DNMT3B: variants seen among roughly 807,000 people sequenced by gnomAD.
The protein encoded by DNMT3B is DNA methyltransferase 3 beta, also known as DNA (cytosine-5)-methyltransferase 3B.
In DNMT3B, 37 loss-of-function variants were observed where a neutral mutation model predicts 120.2. That is an observed-to-expected ratio of 0.31 (90% CI 0.24 to 0.40). The LOEUF is 0.40. DNMT3B is among the 10% of genes least tolerant of loss of function. The pLI is 1.00. For missense variants in DNMT3B, 878 were observed against 1,137.3 expected, an observed-to-expected ratio of 0.77 and a Z score of 3.28; for synonymous variants, 412 against 442.8, an observed-to-expected ratio of 0.93 and a Z score of 0.87.
At chr20:32,801,796 C>T (rs986320701) in intron 19 of DNMT3B, among the ~76,000 whole-genome samples, 3 of 152,030 alleles carry the variant, frequency 2.0e-5, no homozygotes, top group East Asian at 1.9e-4. Context: ...TGTTGCACAC[C>T]CTAGTCTTGA....
At chr20:32,780,166 G>A in intron 1 of DNMT3B, 152 bp from the exon 2 acceptor site, 1 of 1,613,444 alleles carries the variant, frequency 6.2e-7, no homozygotes, top group Non-Finnish European at 8.5e-7. Context: ...GGCTATGGGG[G>A]GCAGCCTGGG....
At position 32,762,621 on chromosome 20, in the gene DNMT3B, G is replaced by GCCGCCAGCCGGCCTC. The variant is rs1174293028; in HGVS notation, c.-75_-61dup. The GCCGCCAGCCGGCCTC allele has an allele frequency of 7.2e-6, 2 of 279,076 alleles. No individual in the cohort carries two copies. The highest frequency in any genetic ancestry group is 2.3e-5 in the African/African-American group (1 of 43,936). The allele number at this position is 279,076 out of a possible 1,614,324, so 17.3% of individuals were successfully genotyped here. ...ATTCGCGAGCCCAGCGCCCTGCACG[G>GCCGCCAGCCGGCCTC]CCGCCAGCCGGCCTCCCGCCAGCCA... On this transcript the variant is annotated 5_prime_UTR_variant, in exon 1 of 23. Transcript: ENST00000328111.
chr20:32,776,405 G>A (rs974972770), intron 1 of DNMT3B, among the ~76,000 whole-genome samples: 1 of 152,180 alleles, frequency 6.6e-6, no homozygotes, highest in East Asian at 1.9e-4. Flanking sequence ...GGCTTGTGAT[G>A]GGGGCCATGT....
At chr20:32,800,370 C>T in intron 17 of DNMT3B, 72 bp downstream of exon 17, 6 of 1,600,628 alleles carry the variant, frequency 3.7e-6, no homozygotes, top group Non-Finnish European at 5.1e-6. Context: ...ACCCTGAAAC[C>T]CACATGTAGG....
rs1405737215 is a variant in DNMT3B at position 32,762,670 on chromosome 20, C to T, written c.-36C>T. On this transcript the variant is annotated 5_prime_UTR_variant, in exon 1 of 23. Transcript: ENST00000328111. ...CAGCCCCGACCCGCGGCTCCGCCGC[C>T]CAGCCGCGCCCCAGCCAGCCCTGCG... 4.9e-5 allele frequency: 10 copies of T among 205,282 alleles called. No homozygotes were observed. Among genetic ancestry groups the T allele is most frequent in the Non-Finnish European group, 9.6e-5 (10 of 103,728 alleles). The allele number at this position is 205,282 out of a possible 1,614,324, so 12.7% of individuals were successfully genotyped here. A position where few individuals can be genotyped will look rare whatever the true frequency, so the allele number is the denominator to read the frequency against.
intron 1 of DNMT3B, among the ~76,000 whole-genome samples, chr20:32,763,132 G>A (rs1368861242): frequency 6.6e-6 from 1 of 152,170 alleles, no homozygotes; most frequent in Non-Finnish European, 1.5e-5. Flanking sequence ...TCTGCCTTGG[G>A]AAAAGTTAAG....
chr20:32,789,511 T>A (rs755306673), intron 7 of DNMT3B, among the ~76,000 whole-genome samples: 1 of 152,250 alleles, frequency 6.6e-6, no homozygotes. Context: ...TTTTAAAATC[T>A]TTCTTGGTAA....
intron 3 of DNMT3B, among the ~76,000 whole-genome samples, chr20:32,782,127 A>G (rs1309133751): frequency 2.0e-5 from 3 of 152,224 alleles, no homozygotes; most frequent in Non-Finnish European, 2.9e-5. Flanking sequence ...AATGCATGCT[A>G]GTTTTACTGT....
chr20:32,787,363 C>G lies in DNMT3B; in HGVS notation c.566C>G (p.Ala189Gly). ...GTPQSSSTPY[A>G]RLAQDSQQGG... ...CCCCAGAGCAGCAGTACCCCCTACG[C>G]CCGCCTAGCCCAGGACAGCCAGCAG... is the stretch of plus-strand genomic sequence containing the variant. The change falls in exon 6 of 23, where the codon GCC (alanine) becomes GGC (glycine). Residue 189 changes from alanine (A) to glycine (G), a missense_variant. By Grantham distance (60) the Ala-to-Gly change is moderately conservative. Coordinates refer to ENST00000328111, the MANE Select transcript of DNMT3B (RefSeq NM_006892.4). 1.9e-6 allele frequency: 3 copies of G among 1,614,226 alleles called. No individual in the cohort carries two copies. Among genetic ancestry groups the G allele is most frequent in the South Asian group, 2.2e-5 (2 of 91,082 alleles).
At chr20:32,792,081 T>C (rs114780450) in intron 8 of DNMT3B, among the ~76,000 whole-genome samples, 2,651 of 152,250 alleles carry the variant, frequency 0.017, 92 homozygotes, top group African/African-American at 0.06. Flanking sequence ...TCTTATCCCC[T>C]ATGAACCATT....
rs1982215718 is a variant in DNMT3B at position 32,808,654 on chromosome 20, G to A, written c.*751G>A. 1.3e-5 allele frequency: 3 copies of A among 230,574 alleles called. No individual in the cohort carries two copies. The East Asian group carries it at 1.9e-4, about 14-fold the overall frequency. The allele number at this position is 230,574 out of a possible 1,614,324, so 14.3% of individuals were successfully genotyped here. A position where few individuals can be genotyped will look rare whatever the true frequency, so the allele number is the denominator to read the frequency against. On this transcript the variant is annotated 3_prime_UTR_variant, in exon 23 of 23. Transcript: ENST00000328111. ...CCCCGTGACTGCAATAGAACCCTCT[G>A]GGGAGCTCAGGAAGGGGTGTGCTGA...
In DNMT3B at chr20:32,780,578, G is replaced by A. The variant is rs1160771527; in HGVS notation, c.142+113G>A. On this transcript the variant is annotated intron_variant, in intron 2 of 22. Coordinates refer to ENST00000328111, the MANE Select transcript of DNMT3B (RefSeq NM_006892.4). Reference sequence around the variant, plus strand: ...CTGACAACCTCCACCACAATTCCCCGGGAGGGAAGAGAGCTCTAGCAAGGA... The same window carrying A: ...CTGACAACCTCCACCACAATTCCCCAGGAGGGAAGAGAGCTCTAGCAAGGA... The A allele has an allele frequency of 2.0e-5, 30 of 1,491,950 alleles. 1 individual carries two copies. The East Asian group carries it at 2.7e-4, about 13-fold the overall frequency. 92.4% of individuals were successfully genotyped at this position (1,491,950 alleles called of 1,614,324 possible).
rs1003936442 is a variant in DNMT3B at position 32,793,429 on chromosome 20, C to T, written c.1067-107C>T. On this transcript the variant is annotated intron_variant, in intron 9 of 22. Coordinates refer to ENST00000328111, the MANE Select transcript of DNMT3B (RefSeq NM_006892.4). ...GTTGCAGTGCGCCGAGATCGCACCA[C>T]TGCATTCAAGCCTGGGTGACAGAGC... The T allele has an allele frequency of 2.7e-5, 35 of 1,279,424 alleles. 1 individual carries two copies. Among genetic ancestry groups the T allele is most frequent in the Non-Finnish European group, 3.8e-5 (34 of 899,582 alleles). 79.3% of individuals were successfully genotyped at this position (1,279,424 alleles called of 1,614,324 possible).
intron 1 of DNMT3B, among the ~76,000 whole-genome samples, chr20:32,773,629 T>TA (rs1491252427): frequency 7.2e-6 from 1 of 138,452 alleles, no homozygotes; most frequent in African/African-American, 3.0e-5. Flanking sequence ...TTTTTTTTTT[T>TA]ATAACAGGGT....
intron 1 of DNMT3B, among the ~76,000 whole-genome samples, chr20:32,768,793 C>G (rs1284117808): frequency 2.0e-5 from 3 of 152,142 alleles, no homozygotes; most frequent in Admixed American, 2.0e-4. Flanking sequence ...CTTAAGTGTT[C>G]ATTATATTCC....
At chr20:32,778,107 G>A (rs1192523527) in intron 1 of DNMT3B, among the ~76,000 whole-genome samples, 2 of 152,214 alleles carry the variant, frequency 1.3e-5, no homozygotes, top group African/African-American at 4.8e-5. Flanking sequence ...GGTAGGCTGA[G>A]GTGGGCAGAT....
chr20:32,774,463 C>T (rs1326901066), intron 1 of DNMT3B, among the ~76,000 whole-genome samples: 3 of 150,572 alleles, frequency 2.0e-5, no homozygotes, highest in African/African-American at 7.3e-5. Context: ...CCCACGTCGG[C>T]CTCCCAAAGT....
rs1323599053 is a variant in DNMT3B at position 32,762,604 on chromosome 20, G to T, written c.-102G>T. 6.3e-6 allele frequency: 2 copies of T among 317,982 alleles called. No individual in the cohort carries two copies. Among genetic ancestry groups the T allele is most frequent in the Admixed American group, 3.2e-5 (1 of 31,414 alleles). The allele number at this position is 317,982 out of a possible 1,614,324, so 19.7% of individuals were successfully genotyped here. On this transcript the variant is annotated 5_prime_UTR_variant, in exon 1 of 23. Coordinates refer to ENST00000328111, the MANE Select transcript of DNMT3B (RefSeq NM_006892.4). ...GGCGATCGGCGCCGGAGATTCGCGAGCCCAGCGCCCTGCACGGCCGCCAGC... is the reference window on the plus strand; with the variant it reads ...GGCGATCGGCGCCGGAGATTCGCGATCCCAGCGCCCTGCACGGCCGCCAGC...
chr20:32,793,100 AAAG>A (rs1402592291), intron 9 of DNMT3B, among the ~76,000 whole-genome samples: 5 of 146,676 alleles, frequency 3.4e-5, no homozygotes, highest in Non-Finnish European at 7.4e-5. Context: ...GGAAAGTGTT[AAAG>A]AAGAATATGC....
Sources: gnomAD v4.1 joint callset for allele counts (sites outside exome capture counted in the v4.1 genomes callset) on GRCh38, gnomAD v4.1.1 for gene constraint, MANE v1.5 for transcripts, NCBI Gene and HGNC (gene_info 2026-07-23, HGNC 2026-07-21) for gene names.